CDON: variants seen among roughly 807,000 people sequenced by gnomAD.
CDON encodes the protein cell adhesion associated, oncogene regulated, also known as cell adhesion molecule-related/down-regulated by oncogenes.
Under a neutral mutation model 120.9 loss-of-function variants are expected in CDON, and 73 were observed. The observed-to-expected ratio is 0.60, with a 90% CI of 0.50 to 0.73. The LOEUF (loss-of-function observed/expected upper bound fraction) is 0.73. Among genes scored for constraint, CDON ranks in the 30% least tolerant of loss-of-function variants. The probability of loss-of-function intolerance (pLI) is 0.00; values close to 1 mark genes in which losing one functional copy is unlikely to be tolerated. For synonymous variants in CDON, 566 were observed against 573.5 expected, an observed-to-expected ratio of 0.99 and a Z score of 0.19; for missense variants, 1,470 against 1,587.3, an observed-to-expected ratio of 0.93 and a Z score of 1.26.
intron 18 of CDON, among the ~76,000 whole-genome samples, chr11:125,965,210 C>T (rs1945761341): frequency 1.3e-5 from 2 of 152,104 alleles, no homozygotes; most frequent in Non-Finnish European, 2.9e-5. Context: ...GGATTACGGG[C>T]GTAAGCCATC....
At chr11:126,002,676 T>C (rs1472457699) in intron 10 of CDON, among the ~76,000 whole-genome samples, 1 of 152,216 alleles carries the variant, frequency 6.6e-6, no homozygotes, top group Non-Finnish European at 1.5e-5. Flanking sequence ...CCTGTGGTAC[T>C]TGGCATATTC....
At chr11:125,982,240 C>T (rs896389199) in intron 16 of CDON, among the ~76,000 whole-genome samples, 6 of 151,984 alleles carry the variant, frequency 3.9e-5, no homozygotes, top group African/African-American at 1.5e-4. Context: ...TCCCAAAGTG[C>T]TATGATTACA....
chr11:126,018,514 G>T, intron 4 of CDON, 41 bp from the exon 5 acceptor site: 2 of 1,557,144 alleles, frequency 1.3e-6, no homozygotes, highest in Non-Finnish European at 1.8e-6. Context: ...CTCCCTTTAT[G>T]AAGGACACCA....
chr11:126,010,707 T>C lies in CDON; in HGVS notation c.1199-13A>G, dbSNP rs753925222. On this transcript the variant is annotated splice_polypyrimidine_tract_variant and intron_variant, in intron 7 of 19. Transcript: ENST00000531738. ...TTGAATCCACCGTCTATTAAAAAAG[T>C]AATTCACATATGAAAAATGAAGAAC... 1.0e-5 allele frequency: 16 copies of C among 1,600,242 alleles called. No individual in the cohort carries two copies. The highest frequency in any genetic ancestry group is 1.1e-5 in the South Asian group (1 of 90,586).
intron 18 of CDON, 32 bp from the exon 19 acceptor site, chr11:125,962,030 G>C (rs774460860): frequency 6.6e-7 from 1 of 1,521,272 alleles, no homozygotes; most frequent in South Asian, 1.1e-5. Context: ...AAACAGAATT[G>C]TGTCTAGAGG....
chr11:125,995,368 C>T (rs537945317), intron 12 of CDON, among the ~76,000 whole-genome samples: 13 of 152,268 alleles, frequency 8.5e-5, no homozygotes, highest in African/African-American at 2.9e-4. Flanking sequence ...AGGACATTTG[C>T]TCTTTTCACC....
chr11:126,020,120 C>T (rs1171655606), intron 3 of CDON, among the ~76,000 whole-genome samples: 3 of 152,034 alleles, frequency 2.0e-5, no homozygotes, highest in African/African-American at 4.8e-5. Context: ...GGGCTAAGAC[C>T]GAAGTCACGG....
chr11:125,965,019 C>T (rs970685156), intron 18 of CDON, among the ~76,000 whole-genome samples: 1 of 152,170 alleles, frequency 6.6e-6, no homozygotes, highest in African/African-American at 2.4e-5. Context: ...CTCCGCCTTT[C>T]GGGTTCAAGC....
chr11:125,995,872 T>TA (rs1458670972), intron 12 of CDON, among the ~76,000 whole-genome samples: 1 of 152,234 alleles, frequency 6.6e-6, no homozygotes, highest in African/African-American at 2.4e-5. Flanking sequence ...AACGTACATT[T>TA]AAAAGTCCTG....
At position 126,056,185 on chromosome 11, in the gene CDON, C is replaced by T. The variant is rs144122285; in HGVS notation, c.-62+6394G>A. Among the ~76,000 whole-genome samples, 12 of 152,322 alleles carry T rather than the reference C, an allele frequency of 7.9e-5. No homozygotes were observed. In the East Asian group the frequency reaches 2.3e-3, roughly 29 times the overall value. ...CTTCCAGGAATCAGGAGTCCATGCCCCTTCCAAACAGCACTGCTTCACATG... is the reference window on the plus strand; with the variant it reads ...CTTCCAGGAATCAGGAGTCCATGCCTCTTCCAAACAGCACTGCTTCACATG... On this transcript the variant is annotated intron_variant, in intron 1 of 19. Transcript: ENST00000531738.
chr11:126,052,208 G>T (rs10893464), intron 1 of CDON, among the ~76,000 whole-genome samples: 31,170 of 152,016 alleles, frequency 0.21, 3,462 homozygotes, highest in East Asian at 0.28. Context: ...TTTCTTTTAA[G>T]AGAGGAACCC....
intron 7 of CDON, among the ~76,000 whole-genome samples, chr11:126,011,949 T>A (rs1947315780): frequency 6.6e-6 from 1 of 152,128 alleles, no homozygotes; most frequent in Non-Finnish European, 1.5e-5. Flanking sequence ...GCGAAATGGG[T>A]CTCCTCCCTG....
At chr11:126,026,480 T>C (rs533493734) in intron 1 of CDON, among the ~76,000 whole-genome samples, 1 of 152,228 alleles carries the variant, frequency 6.6e-6, no homozygotes, top group African/African-American at 2.4e-5. Flanking sequence ...TGCTAACCAT[T>C]AATAAAATTA....
intron 8 of CDON, among the ~76,000 whole-genome samples, chr11:126,006,849 G>A (rs1947144369): frequency 6.6e-6 from 1 of 152,048 alleles, no homozygotes; most frequent in Non-Finnish European, 1.5e-5. Flanking sequence ...CACATATTAT[G>A]TGCCAAGCAT....
intron 15 of CDON, among the ~76,000 whole-genome samples, chr11:125,985,095 G>A (rs1946425332): frequency 6.6e-6 from 1 of 152,110 alleles, no homozygotes; most frequent in African/African-American, 2.4e-5. Flanking sequence ...GCCAGTCTCT[G>A]GAAGCACACA....
chr11:125,973,919 G>A (rs1465695052), intron 18 of CDON, among the ~76,000 whole-genome samples: 2 of 151,582 alleles, frequency 1.3e-5, no homozygotes, highest in Admixed American at 6.6e-5. Context: ...TTTTGAGACA[G>A]AGTTTCGCTC....
chr11:126,051,183 A>G lies in CDON; in HGVS notation c.-62+11396T>C, dbSNP rs1006040462. ...GATTCCATGGCCAGCTGACACCTGT[A>G]ATCACAATGAATTAAGTGTCCTGTA... On this transcript the variant is annotated intron_variant, in intron 1 of 19. Transcript: ENST00000531738. 4.6e-5 allele frequency among the ~76,000 whole-genome samples: 7 copies of G among 152,166 alleles called. No individual in the cohort carries two copies. The East Asian group carries it at 1.2e-3, about 25-fold the overall frequency.
chr11:125,992,976 G>A (rs955165564), intron 14 of CDON, among the ~76,000 whole-genome samples: 5 of 152,218 alleles, frequency 3.3e-5, no homozygotes, highest in African/African-American at 7.2e-5. Flanking sequence ...CGGGCATTCA[G>A]CTTCAATTGA....
intron 18 of CDON, among the ~76,000 whole-genome samples, chr11:125,972,644 T>C (rs540803020): frequency 2.6e-5 from 4 of 152,254 alleles, no homozygotes; most frequent in African/African-American, 9.6e-5. Flanking sequence ...CAGATGGTTA[T>C]TACTAAAATA....
Sources: allele counts gnomAD v4.1 joint callset (sites outside exome capture counted in the v4.1 genomes callset), GRCh38; gene constraint gnomAD v4.1.1; transcripts MANE v1.5; gene names NCBI Gene and HGNC (gene_info 2026-07-23, HGNC 2026-07-21).